STK31: variants seen among roughly 807,000 people sequenced by gnomAD.
STK31 encodes serine/threonine-protein kinase 31.
STK31 carries 89 observed loss-of-function variants against 129.7 expected under a neutral mutation model. The observed-to-expected ratio is 0.69, with a 90% CI of 0.58 to 0.82. The LOEUF is 0.82. Ranked by LOEUF, STK31 falls within the 40% of genes least tolerant of loss-of-function variation. STK31 has a pLI of 0.00. For missense variants in STK31, 1,187 were observed against 1,176.4 expected, an observed-to-expected ratio of 1.01 and a Z score of -0.13; for synonymous variants, 448 against 395.3, an observed-to-expected ratio of 1.13 and a Z score of -1.58.
At chr7:23,739,516 G>T (rs1018156247) in intron 8 of STK31, among the ~76,000 whole-genome samples, 1 of 152,122 alleles carries the variant, frequency 6.6e-6, no homozygotes, top group Non-Finnish European at 1.5e-5. Flanking sequence ...TGTTCCCATT[G>T]CTTTTGGTGT....
intron 4 of STK31, among the ~76,000 whole-genome samples, chr7:23,719,506 A>C (rs1240220245): frequency 1.3e-5 from 2 of 152,180 alleles, no homozygotes; most frequent in Non-Finnish European, 2.9e-5. Flanking sequence ...CAGGAATTCA[A>C]GATTAAACTT....
chr7:23,710,466 C>T lies in STK31; in HGVS notation c.50+131C>T, dbSNP rs1371418374. The T allele has an allele frequency of 7.1e-6, 11 of 1,551,506 alleles. No homozygotes were observed. The South Asian group carries it at 1.2e-4, about 17-fold the overall frequency. ...GGTTTTCTGTCACCTTCTAGCCGCCCGCCACCCCAGAGGGGTGCCAGATGC... is the reference window on the plus strand; with the variant it reads ...GGTTTTCTGTCACCTTCTAGCCGCCTGCCACCCCAGAGGGGTGCCAGATGC... On this transcript the variant is annotated intron_variant, in intron 1 of 23. Transcript: ENST00000355870.
At chr7:23,725,212 G>A (rs771661829) in intron 4 of STK31, among the ~76,000 whole-genome samples, 7 of 151,906 alleles carry the variant, frequency 4.6e-5, no homozygotes, top group African/African-American at 9.7e-5. Flanking sequence ...TCCCCTTAGG[G>A]ATATTGCCCC....
chr7:23,822,230 T>C (rs1198734067), intron 23 of STK31, among the ~76,000 whole-genome samples: 1 of 152,212 alleles, frequency 6.6e-6, no homozygotes, highest in African/African-American at 2.4e-5. Flanking sequence ...TTGGGTAGTA[T>C]GGGCATTTTA....
Position 23,731,385 on chromosome 7 carries a change from T to C in STK31, c.483+2136T>C, listed in dbSNP as rs80115960. 6.8e-4 allele frequency among the ~76,000 whole-genome samples: 104 copies of C among 152,328 alleles called. 1 individual carries two copies. In the East Asian group the frequency reaches 0.018, roughly 26 times the overall value. On this transcript the variant is annotated intron_variant, in intron 6 of 23. Transcript: ENST00000355870. The stretch of plus-strand genomic sequence containing the variant: ...GCTAATACCCACTTACCCGGTCCTC[T>C]GTGGTGTTTTAGTCACTCCGTATAT...
intron 23 of STK31, among the ~76,000 whole-genome samples, chr7:23,815,853 AGTTCT>A (rs1352605329): frequency 6.6e-6 from 1 of 150,954 alleles, no homozygotes; most frequent in Non-Finnish European, 1.5e-5. Context: ...GCTGATTTTT[AGTTCT>A]GCAAAGAAAG....
At chr7:23,732,853 T>C (rs750518780) in intron 6 of STK31, among the ~76,000 whole-genome samples, 3 of 152,164 alleles carry the variant, frequency 2.0e-5, no homozygotes, top group African/African-American at 4.8e-5. Flanking sequence ...GAATTTTAGA[T>C]AGACTTTTGA....
At chr7:23,712,315 CT>C in intron 3 of STK31, 29 bp downstream of exon 3, 1 of 1,610,926 alleles carries the variant, frequency 6.2e-7, no homozygotes, top group Non-Finnish European at 8.5e-7. Flanking sequence ...GATATCCCCC[CT>C]CACCTCCCCC....
At chr7:23,808,807 A>G (rs1792885070) in intron 22 of STK31, among the ~76,000 whole-genome samples, 2 of 149,842 alleles carry the variant, frequency 1.3e-5, no homozygotes, top group African/African-American at 4.8e-5. Context: ...TACTAATACT[A>G]CGGATGGGAT....
chr7:23,734,590 CAAAGTTAGCA>C (rs1259699466), intron 6 of STK31, among the ~76,000 whole-genome samples: 14 of 152,136 alleles, frequency 9.2e-5, no homozygotes, highest in African/African-American at 3.4e-4. Context: ...TTCAGTAGCT[CAAAGTTAGCA>C]AGCACCTAAT....
intron 15 of STK31, among the ~76,000 whole-genome samples, chr7:23,780,845 C>T (rs1279407535): frequency 6.6e-6 from 1 of 152,176 alleles, no homozygotes; most frequent in Non-Finnish European, 1.5e-5. Flanking sequence ...ATGGTTGTAG[C>T]TATCTTATTT....
At chr7:23,738,894 G>C (rs1267555923) in intron 8 of STK31, among the ~76,000 whole-genome samples, 2 of 152,132 alleles carry the variant, frequency 1.3e-5, no homozygotes, top group Non-Finnish European at 2.9e-5. Context: ...CATTTGGGTT[G>C]GTTCCAAGTC....
At chr7:23,749,030 T>G (rs1218403118) in intron 8 of STK31, among the ~76,000 whole-genome samples, 1 of 152,228 alleles carries the variant, frequency 6.6e-6, no homozygotes, top group Non-Finnish European at 1.5e-5. Flanking sequence ...TTTTCCATGC[T>G]AGATCTGTCC....
At chr7:23,722,360 CCT>C (rs1562547874) in intron 4 of STK31, 1 of 153,712 alleles carries the variant, frequency 6.5e-6, no homozygotes, top group East Asian at 1.9e-4. Flanking sequence ...CACTCCAGAC[CCT>C]GTTTGCCTGG....
intron 22 of STK31, among the ~76,000 whole-genome samples, chr7:23,809,750 C>T (rs1199970470): frequency 6.6e-6 from 1 of 152,182 alleles, no homozygotes; most frequent in Non-Finnish European, 1.5e-5. Flanking sequence ...CCTCCTATTT[C>T]AGAGAATTAA....
At chr7:23,810,925 A>ATG (rs1213838249) in intron 22 of STK31, among the ~76,000 whole-genome samples, 47 of 110,336 alleles carry the variant, frequency 4.3e-4, no homozygotes, top group Middle Eastern at 5.0e-3. Context: ...ATATGTATAT[A>ATG]TGTGTGTGTG....
Position 23,777,027 on chromosome 7 carries a change from G to A in STK31, c.1966-4392G>A, listed in dbSNP as rs142469221. On this transcript the variant is annotated intron_variant, in intron 15 of 23. Transcript: ENST00000355870. ...AGAGATTCTGGTACATTGTGTCTTT[G>A]TTCTCATTGGTTTCAAAGAACTTAT... Among the ~76,000 whole-genome samples the A allele has an allele frequency of 7.8e-3, 1,189 of 152,154 alleles. 16 individuals carry two copies. The highest frequency in any genetic ancestry group is 0.027 in the African/African-American group (1,115 of 41,518).
At chr7:23,762,948 A>G (rs766650116) in intron 11 of STK31, 25 bp downstream of exon 11, 4 of 1,506,482 alleles carry the variant, frequency 2.7e-6, no homozygotes, top group African/African-American at 2.9e-5. Context: ...TATATTAAAT[A>G]TACGTTAAAT....
chr7:23,773,704 G>C (rs1442645827), intron 15 of STK31, among the ~76,000 whole-genome samples: 3 of 150,126 alleles, frequency 2.0e-5, no homozygotes, highest in African/African-American at 7.4e-5. Flanking sequence ...TCCAGCATCT[G>C]TGGTTTCCTG....
Sources: gnomAD v4.1 joint callset for allele counts (sites outside exome capture counted in the v4.1 genomes callset) on GRCh38, gnomAD v4.1.1 for gene constraint, MANE v1.5 for transcripts, NCBI Gene and HGNC (gene_info 2026-07-23, HGNC 2026-07-21) for gene names.